The following THAP2 variants were observed in gnomAD, a reference collection of about 807,000 sequenced individuals.
THAP2 encodes THAP domain containing 2.
In THAP2, 16 loss-of-function variants were observed where a neutral mutation model predicts 18.8. The ratio of observed to expected loss-of-function variants is 0.85; its 90% CI spans 0.58 to 1.29. The LOEUF (loss-of-function observed/expected upper bound fraction) is 1.29, where lower values mean the gene tolerates loss of function less well. Ranked by LOEUF, THAP2 falls within the 50% of genes most tolerant of loss-of-function variation. THAP2 has a pLI of 0.00. For synonymous variants in THAP2, 80 were observed against 89.2 expected (o/e 0.90, Z 0.58); for missense variants, 251 against 265.3 (o/e 0.95, Z 0.38).
At chr12:71,668,296 C>G (rs571989982) in intron 1 of THAP2, among the ~76,000 whole-genome samples, 1 of 152,264 alleles carries the variant, frequency 6.6e-6, no homozygotes, top group African/African-American at 2.4e-5. Flanking sequence ...CAACCCTGTA[C>G]TTATGCTTTT....
chr12:71,671,912 C>G (rs1881445188), intron 1 of THAP2, among the ~76,000 whole-genome samples: 1 of 152,190 alleles, frequency 6.6e-6, no homozygotes. Flanking sequence ...CAGTACCTTA[C>G]TGGCAGCGTA....
chr12:71,673,337 A>C (rs777255530), intron 1 of THAP2, among the ~76,000 whole-genome samples: 1 of 151,944 alleles, frequency 6.6e-6, no homozygotes, highest in Non-Finnish European at 1.5e-5. Flanking sequence ...GTTTTTTCCA[A>C]TTGTTTCAAA....
At chr12:71,672,804 C>T (rs780104458) in intron 1 of THAP2, among the ~76,000 whole-genome samples, 1 of 152,098 alleles carries the variant, frequency 6.6e-6, no homozygotes, top group African/African-American at 2.4e-5. Flanking sequence ...TCACTAATGG[C>T]ACTTCATATG....
In THAP2 at chr12:71,677,179, G is replaced by A. The variant is rs1881535522; in HGVS notation, c.*71G>A. 1.5e-6 allele frequency: 2 copies of A among 1,316,804 alleles called. No individual in the cohort carries two copies. Among genetic ancestry groups the A allele is most frequent in the South Asian group, 2.2e-5 (1 of 45,444 alleles). The allele number at this position is 1,316,804 out of a possible 1,614,324, so 81.6% of individuals were successfully genotyped here. Reference sequence around the variant, plus strand: ...AAGTAAAGATAATTATGGCACTTATGCCAAAATTCATTATTTAATAAAGTT... The same window carrying A: ...AAGTAAAGATAATTATGGCACTTATACCAAAATTCATTATTTAATAAAGTT... On this transcript the variant is annotated 3_prime_UTR_variant, in exon 3 of 3. Coordinates refer to ENST00000308086, the MANE Select transcript of THAP2 (RefSeq NM_031435.4).
In THAP2 at chr12:71,679,217, T is replaced by C. The variant is rs1216996339; in HGVS notation, c.*2109T>C. On this transcript the variant is annotated 3_prime_UTR_variant, in exon 3 of 3. Transcript: ENST00000308086. Reference sequence around the variant, plus strand: ...AAAATACAACAAATTTTGGACAAGGTTACTTCATCTTCATTCATTATTACC... The same window carrying C: ...AAAATACAACAAATTTTGGACAAGGCTACTTCATCTTCATTCATTATTACC... The C allele has an allele frequency of 1.3e-5, 2 of 152,272 alleles. No individual in the cohort carries two copies. Among genetic ancestry groups the C allele is most frequent in the African/African-American group, 4.8e-5 (2 of 41,570 alleles). 9.4% of individuals were successfully genotyped at this position (152,272 alleles called of 1,614,324 possible).
At chr12:71,676,596 C>A in intron 2 of THAP2, 93 bp from the exon 3 acceptor site, 1 of 1,260,860 alleles carries the variant, frequency 7.9e-7, no homozygotes, top group Admixed American at 2.6e-5. Context: ...TTTAAAAGAG[C>A]AGTTTAAATA....
chr12:71,665,556 T>C (rs1050237733), intron 1 of THAP2: 2 of 152,246 alleles, frequency 1.3e-5, no homozygotes, highest in Admixed American at 1.3e-4. Context: ...ATCCAGAAAG[T>C]TCTAACCCTC....
intron 1 of THAP2, chr12:71,665,091 A>G (rs1430123549): frequency 3.1e-6 from 2 of 652,404 alleles, no homozygotes; most frequent in Non-Finnish European, 5.5e-6. Context: ...AGTGCAAAAG[A>G]TAACCTTTCT....
Position 71,664,449 on chromosome 12 carries a change from A to C in THAP2, c.-61A>C, listed in dbSNP as rs978169644. 43 of 1,605,860 alleles carry C rather than the reference A, an allele frequency of 2.7e-5. No homozygotes were observed. The highest frequency in any genetic ancestry group is 2.7e-4 in the African/African-American group (20 of 74,754). ...TCGATTGTCCAGCCTCTGCCAGAAG[A>C]AAGCTTAGCAGCCAGCGCCTCAGTA... On this transcript the variant is annotated 5_prime_UTR_variant, in exon 1 of 3. Transcript: ENST00000308086.
At chr12:71,666,326 A>G (rs2137575573) in intron 1 of THAP2, among the ~76,000 whole-genome samples, 1 of 152,290 alleles carries the variant, frequency 6.6e-6, no homozygotes, top group South Asian at 2.1e-4. Flanking sequence ...CCTAGGCAAC[A>G]TGGTGAAACC....
chr12:71,677,049 C>A lies in THAP2; in HGVS notation c.628C>A (p.Gln210Lys). The change falls in exon 3 of 3, where the codon CAA (glutamine) becomes AAA (lysine). Residue 210 changes from glutamine to lysine, a missense_variant. Physicochemically the swap from Gln to Lys is moderately conservative, Grantham distance 53. Transcript: ENST00000308086. Reference protein sequence around the residue: ...LEDFKILEQDQQDKTLLSLNL... With the variant: ...LEDFKILEQDKQDKTLLSLNL... The stretch of plus-strand genomic sequence containing the variant: ...AGATTTTAAGATCCTTGAACAAGAT[C>A]AACAAGATAAAACACTGCTAAGTCT... 1 of 1,612,944 alleles carries A rather than the reference C, an allele frequency of 6.2e-7. No individual in the cohort carries two copies. The highest frequency in any genetic ancestry group is 1.1e-5 in the South Asian group (1 of 90,880).
chr12:71,673,635 C>G (rs1881476573), intron 1 of THAP2, among the ~76,000 whole-genome samples: 2 of 151,974 alleles, frequency 1.3e-5, no homozygotes, highest in African/African-American at 4.8e-5. Context: ...TGCTAAGTGT[C>G]AAAGATAAAT....
chr12:71,673,755 G>A (rs1246604269), intron 1 of THAP2, among the ~76,000 whole-genome samples: 1 of 152,086 alleles, frequency 6.6e-6, no homozygotes, highest in Non-Finnish European at 1.5e-5. Context: ...TTAATGATGG[G>A]ACATAGAGGA....
chr12:71,666,534 CA>C (rs919071186), intron 1 of THAP2, among the ~76,000 whole-genome samples: 1 of 149,442 alleles, frequency 6.7e-6, no homozygotes, highest in Non-Finnish European at 1.5e-5. Flanking sequence ...AAAAACAAAA[CA>C]AAAAAAAAGA....
chr12:71,664,922 G>A (rs1316449189), intron 1 of THAP2: 6 of 702,196 alleles, frequency 8.5e-6, no homozygotes, highest in Non-Finnish European at 1.6e-5. Context: ...TTCCCAATCA[G>A]CAATCACCGT....
intron 1 of THAP2, 89 bp downstream of exon 1, chr12:71,664,669 T>C: frequency 6.9e-7 from 1 of 1,455,922 alleles, no homozygotes; most frequent in Non-Finnish European, 9.6e-7. Flanking sequence ...ATTCTGCTAA[T>C]TCTAATAACT....
At position 71,676,903 on chromosome 12, in the gene THAP2, G is replaced by C; in HGVS notation, c.482G>C (p.Arg161Thr). 6.2e-7 allele frequency: 1 copy of C among 1,613,720 alleles called. No individual in the cohort carries two copies. Among genetic ancestry groups the C allele is most frequent in the Non-Finnish European group, 8.5e-7 (1 of 1,179,706 alleles). ...AAAACTTGCCTACAAAAGGAACGCAGAGCAACTCGAAGATGGATCAAAGCC... is the reference window on the plus strand; with the variant it reads ...AAAACTTGCCTACAAAAGGAACGCACAGCAACTCGAAGATGGATCAAAGCC... ...KMKTCLQKER[R>T]ATRRWIKATC... The change falls in exon 3 of 3, where the codon AGA becomes ACA. Residue 161 changes from arginine to threonine, a missense_variant. Coordinates refer to ENST00000308086, the MANE Select transcript of THAP2 (RefSeq NM_031435.4).
At chr12:71,668,908 A>G (rs1226959332) in intron 1 of THAP2, among the ~76,000 whole-genome samples, 3 of 152,222 alleles carry the variant, frequency 2.0e-5, no homozygotes, top group East Asian at 1.9e-4. Context: ...CTTATGGGCT[A>G]TATCTCCCAC....
intron 1 of THAP2, chr12:71,665,383 C>G (rs530810591): frequency 6.3e-6 from 1 of 159,068 alleles, no homozygotes; most frequent in Non-Finnish European, 1.4e-5. Context: ...TATCCTTGAC[C>G]TTTTTCCCTA....
Sources: allele counts gnomAD v4.1 joint callset (sites outside exome capture counted in the v4.1 genomes callset), GRCh38; gene constraint gnomAD v4.1.1; transcripts MANE v1.5; gene names NCBI Gene and HGNC (gene_info 2026-07-23, HGNC 2026-07-21).